Variants in ARMC12 observed in about 807,000 individuals in gnomAD.
ARMC12 encodes the protein armadillo repeat-containing protein 12.
A neutral mutation model predicts 37.4 loss-of-function variants in ARMC12; 25 were observed. The ratio of observed to expected loss-of-function variants is 0.67; its 90% confidence interval spans 0.49 to 0.93. The LOEUF (loss-of-function observed/expected upper bound fraction) is 0.93, where lower values mean the gene tolerates loss of function less well. Among genes scored for constraint, ARMC12 ranks in the 40% least tolerant of loss-of-function variants. ARMC12 has a pLI of 0.00. For missense variants in ARMC12, 384 were observed against 426.6 expected (o/e 0.90, Z 0.88); for synonymous variants, 167 against 176.1 (o/e 0.95, Z 0.41).
chr6:35,737,569 C>T (rs551971691), intron 1 of ARMC12, among the ~76,000 whole-genome samples: 1 of 152,124 alleles, frequency 6.6e-6, no homozygotes, highest in Non-Finnish European at 1.5e-5. Flanking sequence ...GTCGGCAGCT[C>T]CCCCCATCCC....
chr6:35,737,635 A>G (rs757824414), intron 1 of ARMC12, among the ~76,000 whole-genome samples: 29 of 152,230 alleles, frequency 1.9e-4, no homozygotes, highest in African/African-American at 3.1e-4. Flanking sequence ...AGGACTTACT[A>G]TATGCCCAGA....
At chr6:35,739,181 A>G (rs1986782) in intron 3 of ARMC12, among the ~76,000 whole-genome samples, 2,236 of 152,288 alleles carry the variant, frequency 0.015, 56 homozygotes, top group African/African-American at 0.048. Flanking sequence ...TCCTGGCCCA[A>G]TAACGAGATG....
intron 3 of ARMC12, among the ~76,000 whole-genome samples, chr6:35,746,328 A>G (rs1418744772): frequency 6.6e-6 from 1 of 152,186 alleles, no homozygotes; most frequent in Non-Finnish European, 1.5e-5. Flanking sequence ...TGGCATGTTC[A>G]TGGAATATGT....
chr6:35,734,422 A>C (rs1581915613), upstream of ARMC12, among the ~76,000 whole-genome samples: 1 of 152,180 alleles, frequency 6.6e-6, no homozygotes, highest in Admixed American at 6.5e-5. Context: ...TCAGCCTCCC[A>C]AAGTGCTGAG....
At chr6:35,738,891 C>G (rs1378138993) in intron 3 of ARMC12, among the ~76,000 whole-genome samples, 2 of 152,144 alleles carry the variant, frequency 1.3e-5, no homozygotes, top group Non-Finnish European at 2.9e-5. Context: ...AGGGCTGAGT[C>G]CCCCAAGACT....
At chr6:35,744,602 A>G (rs901314430) in intron 3 of ARMC12, among the ~76,000 whole-genome samples, 2 of 152,078 alleles carry the variant, frequency 1.3e-5, no homozygotes, top group African/African-American at 4.8e-5. Context: ...TAAAAATACA[A>G]AAACTAGCTG....
Position 35,737,132 on chromosome 6 carries a change from C to A in ARMC12, c.24C>A (p.Tyr8Ter), listed in dbSNP as rs375379074. 4.0e-5 allele frequency: 64 copies of A among 1,614,128 alleles called. No homozygotes were observed. Among genetic ancestry groups the A allele is most frequent in the Non-Finnish European group, 4.8e-5 (57 of 1,180,048 alleles). The change falls in exon 1 of 6, where the codon TAC (tyrosine) becomes TAA (stop). Residue 8 changes from tyrosine (Y) to a stop codon, truncating the protein, a stop_gained. Coordinates refer to ENST00000373866, the MANE Select transcript of ARMC12 (RefSeq NM_001286574.2). LOFTEE classifies it high-confidence loss of function. MGKSIPQYLGQLDIRKSV... is the reference protein window; with the variant it reads MGKSIPQ The stretch of plus-strand genomic sequence containing the variant: ...ACATGGGCAAGAGCATCCCCCAATA[C>A]CTGGGGCAACTGGACATCCGCAAAA...
chr6:35,733,360 T>A (rs535932715), upstream of ARMC12, among the ~76,000 whole-genome samples: 2 of 152,366 alleles, frequency 1.3e-5, no homozygotes, highest in African/African-American at 4.8e-5. Flanking sequence ...AGGATTATAG[T>A]AAACATTTGT....
chr6:35,733,686 T>C (rs1766886486), upstream of ARMC12, among the ~76,000 whole-genome samples: 1 of 152,194 alleles, frequency 6.6e-6, no homozygotes. Context: ...TTGTATTTTT[T>C]AGTAGAGACG....
At position 35,747,608 on chromosome 6, in the gene ARMC12, AC is replaced by A; in HGVS notation, c.652del (p.Gln218ArgfsTer19). 1 of 1,614,234 alleles carries A rather than the reference AC, an allele frequency of 6.2e-7. No homozygotes were observed. The highest frequency in any genetic ancestry group is 8.5e-7 in the Non-Finnish European group (1 of 1,180,034). ...QAVRLLSYLA[Q>X]KNDLLYDILN... ...CCGTACGACTGCTGAGCTACCTGGC[AC>A]AGAAGAATGACCTTCTCTATGACAT... On this transcript the variant is annotated frameshift_variant, in exon 5 of 6. Transcript: ENST00000373866. LOFTEE classifies it high-confidence loss of function.
At chr6:35,737,850 G>T (rs995523503) in intron 1 of ARMC12, 177 bp from the exon 2 acceptor site, 1 of 748,054 alleles carries the variant, frequency 1.3e-6, no homozygotes, top group Admixed American at 2.3e-5. Context: ...ATTAGATAGG[G>T]TGCCCTTGTG....
chr6:35,738,069 A>C lies in ARMC12; in HGVS notation c.206A>C (p.Glu69Ala). The C allele has an allele frequency of 6.2e-7, 1 of 1,613,930 alleles. No individual in the cohort carries two copies. Residue 69 changes from glutamate (E) to alanine (A), a missense_variant, in exon 2 of 6, where the codon GAG (glutamate) becomes GCG (alanine). Transcript: ENST00000373866. ...ERERHGRDSGELRRLLNSLEC... is the reference protein window; with the variant it reads ...ERERHGRDSGALRRLLNSLEC... ...GAGCGGCACGGGCGGGACTCAGGTG[A>C]GCTCCGGAGGCTCCTCAACTCTTTG...
intron 2 of ARMC12, 23 bp downstream of exon 2, chr6:35,738,195 C>T (rs781222976): frequency 2.5e-6 from 4 of 1,605,554 alleles, no homozygotes; most frequent in African/African-American, 2.7e-5. Context: ...GGAGGTCCCC[C>T]CTAGCCGGCC....
chr6:35,745,154 A>G (rs1767299077), intron 3 of ARMC12, among the ~76,000 whole-genome samples: 1 of 152,250 alleles, frequency 6.6e-6, no homozygotes, highest in South Asian at 2.1e-4. Flanking sequence ...TTATATCTGC[A>G]CAAAAACCAG....
At chr6:35,739,852 T>A (rs1166860983) in intron 3 of ARMC12, among the ~76,000 whole-genome samples, 2 of 152,184 alleles carry the variant, frequency 1.3e-5, no homozygotes, top group Non-Finnish European at 2.9e-5. Flanking sequence ...AGGTTTTTAT[T>A]ATGTAGTCTT....
intron 3 of ARMC12, among the ~76,000 whole-genome samples, chr6:35,744,187 G>T (rs1210258866): frequency 6.6e-6 from 1 of 152,086 alleles, no homozygotes; most frequent in African/African-American, 2.4e-5. Context: ...TGTCACCCAG[G>T]CTGGAGTTCA....
At chr6:35,745,966 T>C (rs1164344881) in intron 3 of ARMC12, among the ~76,000 whole-genome samples, 1 of 151,972 alleles carries the variant, frequency 6.6e-6, no homozygotes, top group Non-Finnish European at 1.5e-5. Flanking sequence ...GAATCGCTTG[T>C]ACCTGGGAGG....
Position 35,738,018 on chromosome 6 carries a change from G to C in ARMC12, c.164-9G>C. 1 of 1,612,212 alleles carries C rather than the reference G, an allele frequency of 6.2e-7. No individual in the cohort carries two copies. The highest frequency in any genetic ancestry group is 8.5e-7 in the Non-Finnish European group (1 of 1,180,018). On this transcript the variant is annotated splice_polypyrimidine_tract_variant and intron_variant, in intron 1 of 5. Transcript: ENST00000373866. ...CCACAGCCTGAACTGGGCTGGGGTGGCTGTCTAGGCCTGGCAGTCGAGCGA... is the reference window on the plus strand; with the variant it reads ...CCACAGCCTGAACTGGGCTGGGGTGCCTGTCTAGGCCTGGCAGTCGAGCGA...
intron 3 of ARMC12, among the ~76,000 whole-genome samples, chr6:35,742,224 C>T (rs975227504): frequency 3.3e-5 from 5 of 151,398 alleles, no homozygotes; most frequent in African/African-American, 9.7e-5. Flanking sequence ...TTTGGCTGGG[C>T]GCAGTGGTTC....
Sources: gnomAD v4.1 joint callset for allele counts (sites outside exome capture counted in the v4.1 genomes callset) on GRCh38, gnomAD v4.1.1 for gene constraint, MANE v1.5 for transcripts, NCBI Gene and HGNC (gene_info 2026-07-23, HGNC 2026-07-21) for gene names.